SHISA9: variants seen among roughly 807,000 people sequenced by gnomAD.
The protein encoded by SHISA9 is protein shisa-9.
SHISA9 carries 13 observed loss-of-function variants against 38.0 expected under a neutral mutation model. The observed-to-expected ratio is 0.34, with a 90% CI of 0.22 to 0.54. SHISA9 has a LOEUF of 0.54. SHISA9 is among the 20% of genes least tolerant of loss of function. SHISA9 has a pLI of 0.91. For missense variants in SHISA9, 538 were observed against 575.8 expected (o/e 0.93, Z 0.67); for synonymous variants, 275 against 242.0 (o/e 1.14, Z -1.27).
At chr16:13,313,697 C>T in the SHISA9 span, among the ~76,000 whole-genome samples, 1 of 152,028 alleles carries the variant, frequency 6.6e-6, no homozygotes, top group Non-Finnish European at 1.5e-5. Flanking sequence ...AGGCTTGTAA[C>T]AAATTGTATA....
chr16:13,241,578 C>T (rs2051435788), downstream of SHISA9, among the ~76,000 whole-genome samples: 1 of 152,156 alleles, frequency 6.6e-6, no homozygotes, highest in Admixed American at 6.5e-5. Context: ...AGTCACTGTA[C>T]ACCAAAGTCC....
At chr16:12,991,327 T>C (rs2072383653) in intron 2 of SHISA9, among the ~76,000 whole-genome samples, 1 of 152,186 alleles carries the variant, frequency 6.6e-6, no homozygotes, top group Non-Finnish European at 1.5e-5. Context: ...TTACTGAACA[T>C]TGTTTGGTAA....
the SHISA9 span, among the ~76,000 whole-genome samples, chr16:13,273,636 A>G: frequency 6.6e-6 from 1 of 152,136 alleles, no homozygotes; most frequent in Non-Finnish European, 1.5e-5. Flanking sequence ...GTATGTCTTT[A>G]TCAGTCAGCA....
intron 2 of SHISA9, among the ~76,000 whole-genome samples, chr16:13,145,857 G>C (rs2050442818): frequency 6.6e-6 from 1 of 152,162 alleles, no homozygotes; most frequent in Non-Finnish European, 1.5e-5. Context: ...AAAAAATTCT[G>C]TCTTCATAGA....
chr16:13,469,415 AAGAAAGAAAAAGAAAGAAAGAG>A, the SHISA9 span, among the ~76,000 whole-genome samples: 58 of 122,598 alleles, frequency 4.7e-4, 3 homozygotes, highest in South Asian at 4.2e-3. Context: ...GAAAGAAAGA[AAGAAAGAAAAAGAAAGAAAGAG>A]AAAGAAAGAG....
At chr16:13,304,864 T>C in the SHISA9 span, among the ~76,000 whole-genome samples, 191 of 152,266 alleles carry the variant, frequency 1.3e-3, no homozygotes, top group African/African-American at 4.0e-3. Flanking sequence ...TCAGCTCCTA[T>C]TTTCTATGAG....
chr16:13,390,596 A>T, the SHISA9 span, among the ~76,000 whole-genome samples: 3 of 152,132 alleles, frequency 2.0e-5, no homozygotes, highest in African/African-American at 7.2e-5. Flanking sequence ...TAAGATTTCA[A>T]GCTTAGGCTT....
chr16:13,462,788 C>T, the SHISA9 span, among the ~76,000 whole-genome samples: 27,516 of 151,786 alleles, frequency 0.18, 2,716 homozygotes, highest in East Asian at 0.35. Context: ...ATGGTGAAAC[C>T]GCGTCTCTAC....
intron 2 of SHISA9, among the ~76,000 whole-genome samples, chr16:13,091,507 A>T (rs759132103): frequency 6.6e-6 from 1 of 151,688 alleles, no homozygotes; most frequent in South Asian, 2.1e-4. Flanking sequence ...TCTTTTTACA[A>T]TTTTTTCTCT....
chr16:13,193,533 A>T (rs1052827857), intron 2 of SHISA9, among the ~76,000 whole-genome samples: 1 of 152,010 alleles, frequency 6.6e-6, no homozygotes, highest in Non-Finnish European at 1.5e-5. Flanking sequence ...TTTAGTAGAG[A>T]TGGAGTTTCT....
chr16:13,317,998 G>GTTTT, the SHISA9 span, among the ~76,000 whole-genome samples: 191 of 146,682 alleles, frequency 1.3e-3, 2 homozygotes, highest in East Asian at 0.016. Context: ...CAAATGCCTT[G>GTTTT]TTTTTTTTTT....
At chr16:13,263,730 T>C in the SHISA9 span, among the ~76,000 whole-genome samples, 1 of 152,224 alleles carries the variant, frequency 6.6e-6, no homozygotes, top group Non-Finnish European at 1.5e-5. Context: ...TAAAATCTTG[T>C]GTGGGATTCT....
intron 2 of SHISA9, among the ~76,000 whole-genome samples, chr16:13,186,796 T>G (rs561157776): frequency 6.6e-6 from 1 of 152,208 alleles, no homozygotes; most frequent in Non-Finnish European, 1.5e-5. Context: ...TCCAGGGACC[T>G]CACAGAAATT....
At chr16:13,181,359 T>TG (rs2050778221) in intron 2 of SHISA9, among the ~76,000 whole-genome samples, 2 of 140,230 alleles carry the variant, frequency 1.4e-5, no homozygotes, top group African/African-American at 5.2e-5. Context: ...TACAAAAAGA[T>TG]GAATGGGAAA....
intron 2 of SHISA9, among the ~76,000 whole-genome samples, chr16:12,927,098 T>C (rs534740708): frequency 2.6e-5 from 4 of 152,256 alleles, no homozygotes; most frequent in South Asian, 2.1e-4. Context: ...CTTTTAATAA[T>C]AACAGCCAAT....
the SHISA9 span, among the ~76,000 whole-genome samples, chr16:13,436,465 C>T: frequency 6.6e-6 from 1 of 152,226 alleles, no homozygotes; most frequent in Non-Finnish European, 1.5e-5. Context: ...TCCCTCAGCC[C>T]TTTCCCAGAA....
chr16:13,412,261 G>A, the SHISA9 span, among the ~76,000 whole-genome samples: 1 of 152,100 alleles, frequency 6.6e-6, no homozygotes, highest in Non-Finnish European at 1.5e-5. Flanking sequence ...TAAAATATTT[G>A]AGCCCTGTGA....
intron 2 of SHISA9, among the ~76,000 whole-genome samples, chr16:13,107,472 G>GACAC (rs34291803): frequency 0.018 from 2,555 of 144,374 alleles, 36 homozygotes; most frequent in Middle Eastern, 0.045. Flanking sequence ...AAAAACAACA[G>GACAC]ACACACACAC....
intron 2 of SHISA9, among the ~76,000 whole-genome samples, chr16:13,177,776 T>G (rs1395054066): frequency 6.6e-6 from 1 of 152,126 alleles, no homozygotes; most frequent in Non-Finnish European, 1.5e-5. Context: ...TTCAAGCGAT[T>G]CTCCTGCCTC....
Sources: gnomAD v4.1 joint callset for allele counts (sites outside exome capture counted in the v4.1 genomes callset) on GRCh38, gnomAD v4.1.1 for gene constraint, MANE v1.5 for transcripts, NCBI Gene and HGNC (gene_info 2026-07-23, HGNC 2026-07-21) for gene names.